The following KIF16B variants were observed in gnomAD, a reference collection of about 807,000 sequenced individuals.
KIF16B encodes kinesin-like protein KIF16B.
KIF16B carries 98 observed loss-of-function variants against 156.3 expected under a neutral mutation model. That is an observed-to-expected ratio of 0.63 (90% CI 0.53 to 0.74). The LOEUF (loss-of-function observed/expected upper bound fraction) is 0.74, where lower values mean the gene tolerates loss of function less well. KIF16B is among the 30% of genes least tolerant of loss of function. The probability of loss-of-function intolerance (pLI) is 0.00; values close to 1 mark genes in which losing one functional copy is unlikely to be tolerated. For missense variants in KIF16B, 1,421 were observed against 1,606.5 expected (o/e 0.88, Z 1.97); for synonymous variants, 564 against 583.7 (o/e 0.97, Z 0.49).
At chr20:16,496,609 T>A (rs968139890) in intron 11 of KIF16B, among the ~76,000 whole-genome samples, 3 of 152,206 alleles carry the variant, frequency 2.0e-5, no homozygotes, top group Non-Finnish European at 2.9e-5. Flanking sequence ...ACAGCATGTA[T>A]AATACATCCA....
intron 17 of KIF16B, among the ~76,000 whole-genome samples, chr20:16,400,921 G>A (rs1168242847): frequency 1.3e-5 from 2 of 152,156 alleles, no homozygotes; most frequent in African/African-American, 4.8e-5. Flanking sequence ...GCACAGTAAT[G>A]TCAATGCACT....
At chr20:16,292,607 C>A (rs899392983) in intron 25 of KIF16B, among the ~76,000 whole-genome samples, 4 of 152,190 alleles carry the variant, frequency 2.6e-5, no homozygotes, top group Admixed American at 1.3e-4. Context: ...AGAAAGCCTA[C>A]TGCAAAGTGG....
At chr20:16,279,169 C>T (rs1320589169) in intron 25 of KIF16B, among the ~76,000 whole-genome samples, 3 of 152,052 alleles carry the variant, frequency 2.0e-5, no homozygotes, top group Admixed American at 6.6e-5. Flanking sequence ...AACACCTTTC[C>T]CCTCTCTGGG....
At chr20:16,525,867 T>C (rs2069522117) in intron 3 of KIF16B, among the ~76,000 whole-genome samples, 1 of 152,214 alleles carries the variant, frequency 6.6e-6, no homozygotes, top group Non-Finnish European at 1.5e-5. Context: ...ATCATCATTA[T>C]GCTCAAAGGT....
chr20:16,368,492 C>T (rs939993568), intron 22 of KIF16B: 16 of 986,150 alleles, frequency 1.6e-5, no homozygotes, highest in Admixed American at 6.1e-5. Context: ...CCCCTCGGGG[C>T]ACACAGATTC....
chr20:16,354,598 G>A (rs1031722930), intron 23 of KIF16B, among the ~76,000 whole-genome samples: 54 of 152,238 alleles, frequency 3.5e-4, no homozygotes, highest in African/African-American at 1.2e-3. Flanking sequence ...GTGGATCAAG[G>A]ACATAGCGTA....
intron 17 of KIF16B, among the ~76,000 whole-genome samples, chr20:16,402,240 T>C (rs968823432): frequency 9.9e-5 from 15 of 152,212 alleles, no homozygotes; most frequent in African/African-American, 2.7e-4. Context: ...CAGGAAGCCA[T>C]TCCTGATCAC....
Position 16,378,913 on chromosome 20 carries a change from T to C in KIF16B, c.3089A>G (p.Glu1030Gly), listed in dbSNP as rs769134052. ...QRHSTLGMEI[E>G]EQRQKLASLN... ...ACTGGCAAGTTTCTGCCTCTGCTCTTCAATCTCCATGCCCAGGGTGGAGTG... is the reference window on the plus strand; with the variant it reads ...ACTGGCAAGTTTCTGCCTCTGCTCTCCAATCTCCATGCCCAGGGTGGAGTG... Residue 1030 changes from glutamate to glycine, a missense_variant, in exon 19 of 26, where the codon GAA becomes GGA. Coordinates refer to ENST00000354981, the MANE Select transcript of KIF16B (RefSeq NM_024704.5). The C allele has an allele frequency of 1.1e-5, 17 of 1,613,940 alleles. No individual in the cohort carries two copies. The African/African-American group carries it at 2.1e-4, about 20-fold the overall frequency.
chr20:16,493,170 G>A (rs567706955), intron 12 of KIF16B, among the ~76,000 whole-genome samples: 2 of 152,304 alleles, frequency 1.3e-5, no homozygotes, highest in East Asian at 3.9e-4. Context: ...CAGTACATAA[G>A]AAGCTGGAAA....
intron 12 of KIF16B, among the ~76,000 whole-genome samples, chr20:16,457,549 G>A (rs1194576403): frequency 6.6e-6 from 1 of 152,166 alleles, no homozygotes; most frequent in Non-Finnish European, 1.5e-5. Flanking sequence ...GCTGTTTCAG[G>A]TCTTCACCTG....
intron 12 of KIF16B, among the ~76,000 whole-genome samples, chr20:16,480,924 A>T (rs573193635): frequency 6.6e-6 from 1 of 152,282 alleles, no homozygotes; most frequent in East Asian, 1.9e-4. Flanking sequence ...TGAGTGTACA[A>T]CTTGGGGGCT....
chr20:16,369,140 G>A (rs906227024), intron 22 of KIF16B: 1 of 985,854 alleles, frequency 1.0e-6, no homozygotes, highest in Non-Finnish European at 1.2e-6. Flanking sequence ...ACGCTCCACA[G>A]CATGGGATGA....
At chr20:16,513,902 CAT>C (rs1056108572) in intron 4 of KIF16B, among the ~76,000 whole-genome samples, 2 of 152,122 alleles carry the variant, frequency 1.3e-5, no homozygotes, top group African/African-American at 4.8e-5. Flanking sequence ...GCTTTATTCA[CAT>C]GTTCCCTCCC....
Position 16,273,263 on chromosome 20 carries a change from C to A in KIF16B, c.3944G>T (p.Gly1315Val), listed in dbSNP as rs148109765. 6.2e-7 allele frequency: 1 copy of A among 1,614,042 alleles called. No homozygotes were observed. Among genetic ancestry groups the A allele is most frequent in the East Asian group, 2.2e-5 (1 of 44,876 alleles). ...KKGVFDYSSH[G>V]TG ...CCATCACCCCTGGCTCTACCCCGTC[C>A]CGTGGCTGCTGTAGTCAAAGACTCC... is the stretch of plus-strand genomic sequence containing the variant. The change falls in exon 26 of 26, where the codon GGG (glycine) becomes GTG (valine). Residue 1315 changes from glycine to valine, a missense_variant. Transcript: ENST00000354981.
chr20:16,288,786 T>G (rs1601498267), intron 25 of KIF16B, among the ~76,000 whole-genome samples: 1 of 151,964 alleles, frequency 6.6e-6, no homozygotes, highest in South Asian at 2.1e-4. Context: ...CTGTATAGTA[T>G]GTACCTTAGT....
At chr20:16,506,614 A>T (rs1386728433) in intron 7 of KIF16B, among the ~76,000 whole-genome samples, 2 of 152,242 alleles carry the variant, frequency 1.3e-5, no homozygotes, top group African/African-American at 4.8e-5. Flanking sequence ...CCATTATCGG[A>T]TGTTAAAACA....
At chr20:16,310,579 C>T (rs1474244313) in intron 25 of KIF16B, among the ~76,000 whole-genome samples, 1 of 152,156 alleles carries the variant, frequency 6.6e-6, no homozygotes, top group Non-Finnish European at 1.5e-5. Flanking sequence ...AGTTTATAAA[C>T]CATCATTCTC....
At chr20:16,537,191 A>T (rs918093819) in intron 1 of KIF16B, among the ~76,000 whole-genome samples, 35 of 152,192 alleles carry the variant, frequency 2.3e-4, no homozygotes, top group African/African-American at 8.4e-4. Flanking sequence ...AGGCTACAGG[A>T]TAAAGTCCAA....
chr20:16,349,168 T>G (rs765027407), intron 23 of KIF16B, among the ~76,000 whole-genome samples: 1 of 152,240 alleles, frequency 6.6e-6, no homozygotes, highest in Non-Finnish European at 1.5e-5. Context: ...CTGGTCCTTT[T>G]AAGCACATAG....
Sources: gnomAD v4.1 joint callset for allele counts (sites outside exome capture counted in the v4.1 genomes callset) on GRCh38, gnomAD v4.1.1 for gene constraint, MANE v1.5 for transcripts, NCBI Gene and HGNC (gene_info 2026-07-23, HGNC 2026-07-21) for gene names.